Variants in SCN4A observed in about 807,000 individuals in gnomAD.
SCN4A encodes the protein sodium voltage-gated channel alpha subunit 4.
SCN4A carries 83 observed loss-of-function variants against 162.0 expected under a neutral mutation model. The observed-to-expected ratio is 0.51, with a 90% CI of 0.43 to 0.61. The LOEUF (loss-of-function observed/expected upper bound fraction) is 0.61. Ranked by LOEUF, SCN4A falls within the 20% of genes least tolerant of loss-of-function variation. The probability of loss-of-function intolerance (pLI) is 0.00; values close to 1 mark genes in which losing one functional copy is unlikely to be tolerated. For missense variants in SCN4A, 2,196 were observed against 2,462.5 expected (o/e 0.89, Z 2.29); for synonymous variants, 944 against 985.1 (o/e 0.96, Z 0.78).
rs1050269570 is a variant in SCN4A at position 63,940,714 on chromosome 17, C to T, written c.*57G>A. ...CCTCCCTCACTCTGTGTGCAGGCAC[C>T]ACGGGGGAGCTCTGGGGACTATGCC... On this transcript the variant is annotated 3_prime_UTR_variant, in exon 24 of 24. Transcript: ENST00000435607. The T allele has an allele frequency of 2.6e-6, 4 of 1,512,324 alleles. No individual in the cohort carries two copies. The highest frequency in any genetic ancestry group is 3.5e-6 in the Non-Finnish European group (4 of 1,130,056). The allele number at this position is 1,512,324 out of a possible 1,614,324, so 93.7% of individuals were successfully genotyped here.
chr17:63,939,704 C>T lies in SCN4A; in HGVS notation c.*1067G>A. 6.6e-6 allele frequency: 1 copy of T among 152,262 alleles called. No homozygotes were observed. The highest frequency in any genetic ancestry group is 1.9e-4 in the East Asian group (1 of 5,202). 9.4% of individuals were successfully genotyped at this position (152,262 alleles called of 1,614,324 possible). A position where few individuals can be genotyped will look rare whatever the true frequency, so the allele number is the denominator to read the frequency against. ...CCAGTTGGGCCTTCCCTGCTGCACG[C>T]CCCAGGGTCGAAATATCTAACCTGA... On this transcript the variant is annotated 3_prime_UTR_variant, in exon 24 of 24. Transcript: ENST00000435607.
chr17:63,971,491 G>A (rs1393873232), intron 4 of SCN4A, among the ~76,000 whole-genome samples: 2 of 152,178 alleles, frequency 1.3e-5, no homozygotes, highest in South Asian at 2.1e-4. Context: ...CCCAGCAGGT[G>A]AGGACCCATG....
At position 63,953,928 on chromosome 17, in the gene SCN4A, G is replaced by T. The variant is rs893293095; in HGVS notation, c.2377-2028C>A. ...TACAAGGTGAATGGCAGCCCTGAAGGTCTTTAATGTGGTCACCCTTCCTTC... is the reference window on the plus strand; with the variant it reads ...TACAAGGTGAATGGCAGCCCTGAAGTTCTTTAATGTGGTCACCCTTCCTTC... On this transcript the variant is annotated intron_variant, in intron 13 of 23. Coordinates refer to ENST00000435607, the MANE Select transcript of SCN4A (RefSeq NM_000334.4). 3.3e-5 allele frequency among the ~76,000 whole-genome samples: 5 copies of T among 152,182 alleles called. No homozygotes were observed. In the South Asian group the frequency reaches 6.2e-4, roughly 19 times the overall value.
rs181494727 is a variant in SCN4A, at chr17:63,959,349, G to A, written c.1935C>T (p.Phe645=). Reference sequence around the variant, plus strand: ...GGCTGAGGGTGACGATGATGCTGTCGAAGATATTCCAACCCTGCTGGAAAT... The same window carrying A: ...GGCTGAGGGTGACGATGATGCTGTCAAAGATATTCCAACCCTGCTGGAAAT... ...YEYFQQGWNI[F]DSIIVTLSLV... Residue 645 remains phenylalanine (F), a synonymous_variant, in exon 12 of 24, where the codon TTC becomes TTT. Coordinates refer to ENST00000435607, the MANE Select transcript of SCN4A (RefSeq NM_000334.4). The A allele has an allele frequency of 9.2e-5, 149 of 1,613,952 alleles. No homozygotes were observed. The East Asian group carries it at 2.6e-3, about 28-fold the overall frequency.
chr17:63,943,920 C>G, intron 21 of SCN4A, 70 bp from the exon 22 acceptor site: 15 of 939,074 alleles, frequency 1.6e-5, no homozygotes, highest in Non-Finnish European at 2.4e-5. Flanking sequence ...ACCCCCACCT[C>G]AGTGGGGCAC....
chr17:63,963,920 G>T, intron 9 of SCN4A, 95 bp from the exon 10 acceptor site: 2 of 1,230,992 alleles, frequency 1.6e-6, no homozygotes, highest in South Asian at 3.1e-5. Flanking sequence ...GTCCTTCAGG[G>T]TGGCAGCCCC....
Position 63,967,354 on chromosome 17 carries a change from C to T in SCN4A, c.1036+669G>A, listed in dbSNP as rs142535218. 9.4e-3 allele frequency among the ~76,000 whole-genome samples: 1,423 copies of T among 151,942 alleles called. 10 individuals carry two copies. Among genetic ancestry groups the T allele is most frequent in the South Asian group, 0.033 (158 of 4,792 alleles). Reference sequence around the variant, plus strand: ...TTTTGGTAGAGACGGGGTTTCACCACGTTGGTCAGGCTGGTCTGGAACTCC... The same window carrying T: ...TTTTGGTAGAGACGGGGTTTCACCATGTTGGTCAGGCTGGTCTGGAACTCC... On this transcript the variant is annotated intron_variant, in intron 6 of 23. Coordinates refer to ENST00000435607, the MANE Select transcript of SCN4A (RefSeq NM_000334.4).
intron 16 of SCN4A, 101 bp from the exon 17 acceptor site, chr17:63,948,164 C>T (rs572576194): frequency 1.8e-5 from 17 of 923,830 alleles, no homozygotes; most frequent in Middle Eastern, 3.3e-4. Flanking sequence ...GGGGGTCTGC[C>T]GTGGGGGCCC....
chr17:63,954,333 C>G (rs1266520410), intron 13 of SCN4A, among the ~76,000 whole-genome samples: 1 of 152,162 alleles, frequency 6.6e-6, no homozygotes, highest in Non-Finnish European at 1.5e-5. Context: ...GCTTTTCTGC[C>G]TTTGCCCCCC....
Position 63,941,665 on chromosome 17 carries a change from G to A in SCN4A, c.4617C>T (p.Asp1539=), listed in dbSNP as rs772431686. 12 of 1,614,016 alleles carry A rather than the reference G, an allele frequency of 7.4e-6. No individual in the cohort carries two copies. The Admixed American group carries it at 8.3e-5, about 11-fold the overall frequency. ...TGTTGAGGATGGGGTTGAGGAGCCC[G>A]TCCCAGCCGGCCGACGTGGTGATCT... ...LFEITTSAGW[D]GLLNPILNSG... is the part of the protein sequence containing the mutation. Residue 1539 remains aspartate, a synonymous_variant, in exon 24 of 24, where the codon GAC becomes GAT. Transcript: ENST00000435607. This position sits in a 1 kb window ranked among gnomAD's most constrained non-coding sequence, Gnocchi z 6.2.
intron 22 of SCN4A, 141 bp from the exon 23 acceptor site, chr17:63,943,237 AAAG>A: frequency 2.0e-6 from 2 of 1,017,150 alleles, no homozygotes; most frequent in African/African-American, 1.6e-5. Flanking sequence ...AGAGAGAGAG[AAAG>A]GAGGTGTTGG....
At chr17:63,947,000 G>C in intron 18 of SCN4A, 45 bp downstream of exon 18, 3 of 1,508,498 alleles carry the variant, frequency 2.0e-6, no homozygotes, top group Non-Finnish European at 2.7e-6. Context: ...GAAGGTGGCC[G>C]GTCCCCCATC....
At chr17:63,962,240 C>T (rs554827529) in intron 10 of SCN4A, among the ~76,000 whole-genome samples, 1 of 152,302 alleles carries the variant, frequency 6.6e-6, no homozygotes, top group Admixed American at 6.5e-5. Context: ...GGGTTCCAGC[C>T]CCATGAGCTG....
rs1908922931 is a variant in SCN4A, at chr17:63,951,792, T to G, written c.2485A>C (p.Ile829Leu). Residue 829 changes from isoleucine (I) to leucine (L), a missense_variant, in exon 14 of 24, where the codon ATC (isoleucine) becomes CTC (leucine). Transcript: ENST00000435607. This position sits in a 1 kb window ranked among gnomAD's most constrained non-coding sequence, Gnocchi z 4.5. ...TTGGCAAAGCCGATGCCCAACTTGA[T>G]GCGCCCGATGGCAATCTGCAGGTTG... ...MNNLQIAIGRIKLGIGFAKAF... is the reference protein window; with the variant it reads ...MNNLQIAIGRLKLGIGFAKAF... The G allele has an allele frequency of 6.3e-7, 1 of 1,584,352 alleles. No homozygotes were observed. The highest frequency in any genetic ancestry group is 2.3e-5 in the East Asian group (1 of 43,314).
chr17:63,965,488 TTCTG>T (rs1169427012), intron 8 of SCN4A, among the ~76,000 whole-genome samples: 3 of 151,250 alleles, frequency 2.0e-5, no homozygotes, highest in East Asian at 2.0e-4. Context: ...AACATCGAAT[TTCTG>T]TCTTTCTTTT....
rs753334243 is a variant in SCN4A at position 63,943,803 on chromosome 17, ATAG to A, written c.3957_3959del (p.Tyr1320del). On this transcript the variant is annotated inframe_deletion, in exon 22 of 24. Coordinates refer to ENST00000435607, the MANE Select transcript of SCN4A (RefSeq NM_000334.4). Reference sequence around the variant, plus strand: ...TGGAGCCAAGCTTCTTCATGGCGTTATAGTATTTCTTCTGTTCCTCCGTCATAA... The same window carrying A: ...TGGAGCCAAGCTTCTTCATGGCGTTATATTTCTTCTGTTCCTCCGTCATAA... The A allele has an allele frequency of 3.1e-6, 5 of 1,613,392 alleles. No homozygotes were observed. In the African/African-American group the frequency reaches 6.7e-5, roughly 22 times the overall value.
chr17:63,952,662 T>C (rs1683735263), intron 13 of SCN4A, among the ~76,000 whole-genome samples: 1 of 152,164 alleles, frequency 6.6e-6, no homozygotes, highest in Admixed American at 6.5e-5. Flanking sequence ...ACCTACTATT[T>C]ACCCTCTTTT....
intron 8 of SCN4A, 85 bp downstream of exon 8, chr17:63,966,017 G>T: frequency 9.5e-7 from 1 of 1,051,012 alleles, no homozygotes; most frequent in Non-Finnish European, 1.4e-6. Context: ...CCATCCTGTG[G>T]TAGGCCCCAT....
chr17:63,966,443 C>T (rs762288411), intron 7 of SCN4A, 38 bp downstream of exon 7: 4 of 1,587,446 alleles, frequency 2.5e-6, no homozygotes, highest in Non-Finnish European at 3.5e-6. Context: ...TTCCAAGACC[C>T]CTGGGGTGCC....
Sources: allele counts gnomAD v4.1 joint callset (sites outside exome capture counted in the v4.1 genomes callset), GRCh38; gene constraint gnomAD v4.1.1; non-coding constraint Gnocchi (gnomAD v3.1); transcripts MANE v1.5; gene names NCBI Gene and HGNC (gene_info 2026-07-23, HGNC 2026-07-21).